Variants in SMYD3 observed in about 807,000 individuals in gnomAD.
The protein encoded by SMYD3 is SET and MYND domain containing 3, also known as histone-lysine N-methyltransferase SMYD3.
SMYD3 carries 36 observed loss-of-function variants against 57.7 expected under a neutral mutation model. The observed-to-expected ratio is 0.62, with a 90% CI of 0.48 to 0.82. The LOEUF is 0.82. Ranked by LOEUF, SMYD3 falls within the 40% of genes least tolerant of loss-of-function variation. SMYD3 has a pLI of 0.00. For missense variants in SMYD3, 515 were observed against 538.8 expected, an observed-to-expected ratio of 0.96 and a Z score of 0.44; for synonymous variants, 211 against 195.0, an observed-to-expected ratio of 1.08 and a Z score of -0.68.
chr1:246,156,529 T>A (rs1378869288), intron 5 of SMYD3, among the ~76,000 whole-genome samples: 1 of 152,234 alleles, frequency 6.6e-6, no homozygotes, highest in Non-Finnish European at 1.5e-5. Context: ...CACAGAAACC[T>A]ACTTTCTTTG....
chr1:245,973,070 ACACACATTGAAGGTTC>A (rs1246431110), intron 5 of SMYD3, among the ~76,000 whole-genome samples: 2 of 152,204 alleles, frequency 1.3e-5, no homozygotes, highest in African/African-American at 2.4e-5. Context: ...TTCCCTTCTT[ACACACATTGAAGGTTC>A]CACGGCCACA....
At chr1:246,174,593 C>T (rs2062402019) in intron 5 of SMYD3, among the ~76,000 whole-genome samples, 1 of 152,166 alleles carries the variant, frequency 6.6e-6, no homozygotes, top group South Asian at 2.1e-4. Context: ...ACTACAGGCA[C>T]ATGCCACCAC....
chr1:246,308,549 C>T (rs2065025268), intron 5 of SMYD3, among the ~76,000 whole-genome samples: 1 of 152,028 alleles, frequency 6.6e-6, no homozygotes, highest in South Asian at 2.1e-4. Flanking sequence ...CCCTCCTAGC[C>T]GACTACAACA....
intron 1 of SMYD3, among the ~76,000 whole-genome samples, chr1:246,449,043 CAT>C (rs2067592923): frequency 6.6e-6 from 1 of 152,078 alleles, no homozygotes; most frequent in African/African-American, 2.4e-5. Flanking sequence ...GCCTGGGAAA[CAT>C]AGTGAGACCC....
intron 8 of SMYD3, among the ~76,000 whole-genome samples, chr1:245,864,801 A>C (rs1363220824): frequency 1.3e-5 from 2 of 152,256 alleles, no homozygotes; most frequent in African/African-American, 4.8e-5. Flanking sequence ...TTTTAAAAAA[A>C]CAGAAGAATA....
chr1:245,917,630 T>C (rs2055536549), intron 7 of SMYD3, among the ~76,000 whole-genome samples: 1 of 152,188 alleles, frequency 6.6e-6, no homozygotes. Context: ...CAAATCCCAC[T>C]TTCTCGTTCA....
At chr1:246,426,695 ACTGC>A (rs1251615339) in intron 1 of SMYD3, among the ~76,000 whole-genome samples, 1 of 152,208 alleles carries the variant, frequency 6.6e-6, no homozygotes, top group African/African-American at 2.4e-5. Context: ...TTTTGTTAAT[ACTGC>A]CAGTACAATG....
chr1:246,421,023 T>C (rs1335186297), intron 1 of SMYD3, among the ~76,000 whole-genome samples: 1 of 152,182 alleles, frequency 6.6e-6, no homozygotes, highest in Non-Finnish European at 1.5e-5. Context: ...ACTCCTCAAA[T>C]AGCTATTCTT....
intron 5 of SMYD3, among the ~76,000 whole-genome samples, chr1:246,113,392 G>A (rs1402864158): frequency 6.6e-6 from 1 of 152,104 alleles, no homozygotes; most frequent in Admixed American, 6.5e-5. Flanking sequence ...TAGTTAGATG[G>A]CTACAAACTA....
At chr1:245,891,731 AG>A (rs2053396447) in intron 8 of SMYD3, among the ~76,000 whole-genome samples, 1 of 59,880 alleles carries the variant, frequency 1.7e-5, no homozygotes, top group Non-Finnish European at 3.2e-5. Context: ...GGAGCAAGCC[AG>A]GAAGAATACA....
intron 5 of SMYD3, among the ~76,000 whole-genome samples, chr1:246,236,136 C>G (rs1161439531): frequency 6.6e-6 from 1 of 152,042 alleles, no homozygotes. Flanking sequence ...AGAATCCCAA[C>G]TTTTAAAACT....
chr1:245,758,570 A>G (rs1217788126), intron 11 of SMYD3, among the ~76,000 whole-genome samples: 1 of 151,430 alleles, frequency 6.6e-6, no homozygotes, highest in African/African-American at 2.4e-5. Flanking sequence ...ACATTCACCA[A>G]TTCATTCCTC....
chr1:245,920,118 C>T (rs1298343558), intron 7 of SMYD3, among the ~76,000 whole-genome samples: 5 of 151,990 alleles, frequency 3.3e-5, no homozygotes, highest in African/African-American at 7.3e-5. Context: ...TTGAGACCAT[C>T]CTGGCTAACA....
At chr1:246,460,254 C>CT (rs2067776560) in intron 1 of SMYD3, among the ~76,000 whole-genome samples, 1 of 152,176 alleles carries the variant, frequency 6.6e-6, no homozygotes, top group African/African-American at 2.4e-5. Context: ...TCACTTCTTA[C>CT]TCCTCTTCTC....
intron 3 of SMYD3, among the ~76,000 whole-genome samples, chr1:246,330,889 C>A (rs1283317667): frequency 6.6e-6 from 1 of 152,178 alleles, no homozygotes; most frequent in Non-Finnish European, 1.5e-5. Context: ...ATCCCCGATA[C>A]TTTGGGAGGC....
At chr1:245,774,701 C>T (rs912041240) in intron 10 of SMYD3, among the ~76,000 whole-genome samples, 5 of 125,668 alleles carry the variant, frequency 4.0e-5, no homozygotes, top group African/African-American at 1.2e-4. Context: ...CCCTCTCCCT[C>T]TCCACGGTCT....
intron 1 of SMYD3, among the ~76,000 whole-genome samples, chr1:246,431,699 T>A (rs985315267): frequency 3.3e-5 from 5 of 152,028 alleles, no homozygotes; most frequent in African/African-American, 1.2e-4. Context: ...ACCAATGCAC[T>A]CCAGCCTGGG....
intron 1 of SMYD3, among the ~76,000 whole-genome samples, chr1:246,419,929 C>T (rs914009088): frequency 6.6e-6 from 1 of 152,380 alleles, no homozygotes; most frequent in Non-Finnish European, 1.5e-5. Context: ...TGAGCTGTGG[C>T]TCATGCCTGT....
At chr1:246,256,863 G>A (rs2063904054) in intron 5 of SMYD3, among the ~76,000 whole-genome samples, 1 of 152,054 alleles carries the variant, frequency 6.6e-6, no homozygotes, top group Admixed American at 6.5e-5. Context: ...TTTGGTACCT[G>A]TGCCTCTGTT....
Sources: gnomAD v4.1 joint callset for allele counts (sites outside exome capture counted in the v4.1 genomes callset) on GRCh38, gnomAD v4.1.1 for gene constraint, MANE v1.5 for transcripts, NCBI Gene and HGNC (gene_info 2026-07-23, HGNC 2026-07-21) for gene names.